UNC5D: variants seen among roughly 807,000 people sequenced by gnomAD.
UNC5D encodes unc-5 netrin receptor D.
In UNC5D, 39 loss-of-function variants were observed where a neutral mutation model predicts 105.4. The ratio of observed to expected loss-of-function variants is 0.37; its 90% confidence interval spans 0.29 to 0.48. The LOEUF (loss-of-function observed/expected upper bound fraction) is 0.48. UNC5D is among the 20% of genes least tolerant of loss of function. UNC5D has a pLI of 0.98. For synonymous variants in UNC5D, 452 were observed against 450.4 expected (o/e 1.00, Z -0.04); for missense variants, 991 against 1,202.4 (o/e 0.82, Z 2.60).
At chr8:35,454,352 T>A (rs1424642458) in intron 1 of UNC5D, among the ~76,000 whole-genome samples, 1 of 152,084 alleles carries the variant, frequency 6.6e-6, no homozygotes, top group East Asian at 1.9e-4. Context: ...TCAGAATGAA[T>A]ATGCCATCTA....
chr8:35,644,420 T>G (rs1822928537), intron 4 of UNC5D, among the ~76,000 whole-genome samples: 1 of 152,132 alleles, frequency 6.6e-6, no homozygotes, highest in African/African-American at 2.4e-5. Context: ...CTTAGTCGAT[T>G]TCTGCTGATT....
intron 11 of UNC5D, among the ~76,000 whole-genome samples, chr8:35,737,474 A>T (rs7839379): frequency 0.051 from 7,772 of 151,898 alleles, 536 homozygotes; most frequent in African/African-American, 0.15. Context: ...TCTTTGACTT[A>T]CAAGAAAAAG....
At chr8:35,482,276 A>G (rs1810530252) in intron 1 of UNC5D, among the ~76,000 whole-genome samples, 1 of 152,194 alleles carries the variant, frequency 6.6e-6, no homozygotes, top group African/African-American at 2.4e-5. Flanking sequence ...CTCATAAAGC[A>G]TTTTATGCAG....
intron 1 of UNC5D, among the ~76,000 whole-genome samples, chr8:35,354,222 A>G (rs957653269): frequency 1.3e-5 from 2 of 152,110 alleles, no homozygotes; most frequent in Admixed American, 6.6e-5. Flanking sequence ...AAGATGAAAT[A>G]AGCAGGTAAT....
At chr8:35,385,103 C>T (rs1803303352) in intron 1 of UNC5D, among the ~76,000 whole-genome samples, 1 of 152,174 alleles carries the variant, frequency 6.6e-6, no homozygotes, top group Non-Finnish European at 1.5e-5. Flanking sequence ...GTGAAGTTTT[C>T]TTGGCTTTGC....
chr8:35,386,617 C>A (rs1011230780), intron 1 of UNC5D, among the ~76,000 whole-genome samples: 1 of 152,134 alleles, frequency 6.6e-6, no homozygotes, highest in African/African-American at 2.4e-5. Context: ...AATCTCTGAC[C>A]TATGAAAAAT....
At chr8:35,267,714 G>A (rs1294554131) in intron 1 of UNC5D, among the ~76,000 whole-genome samples, 1 of 152,194 alleles carries the variant, frequency 6.6e-6, no homozygotes, top group African/African-American at 2.4e-5. Context: ...TGGGATTACA[G>A]GCATGAGCCA....
chr8:35,368,870 C>T (rs1802278927), intron 1 of UNC5D, among the ~76,000 whole-genome samples: 1 of 152,108 alleles, frequency 6.6e-6, no homozygotes, highest in Non-Finnish European at 1.5e-5. Flanking sequence ...AAGAGGGTGT[C>T]TGTTTGCAAG....
At chr8:35,605,371 C>A (rs1294828899) in intron 4 of UNC5D, among the ~76,000 whole-genome samples, 1 of 152,204 alleles carries the variant, frequency 6.6e-6, no homozygotes, top group Non-Finnish European at 1.5e-5. Context: ...TGTTGGTGAA[C>A]CGCAAATGCT....
chr8:35,535,637 A>G (rs1253539860), intron 1 of UNC5D, among the ~76,000 whole-genome samples: 1 of 151,738 alleles, frequency 6.6e-6, no homozygotes, highest in Non-Finnish European at 1.5e-5. Flanking sequence ...CTTTGGAAGG[A>G]AAAAAAATAC....
chr8:35,361,686 T>G (rs894124062), intron 1 of UNC5D, among the ~76,000 whole-genome samples: 1 of 152,158 alleles, frequency 6.6e-6, no homozygotes, highest in Non-Finnish European at 1.5e-5. Flanking sequence ...TCAGAATCAC[T>G]TATGCAGCTT....
intron 1 of UNC5D, among the ~76,000 whole-genome samples, chr8:35,273,705 C>G (rs527860661): frequency 6.6e-6 from 1 of 152,204 alleles, no homozygotes; most frequent in Admixed American, 6.5e-5. Context: ...ATCATAACCA[C>G]TCTAGGATGG....
chr8:35,665,453 A>G (rs757397919), intron 4 of UNC5D, among the ~76,000 whole-genome samples: 2 of 152,110 alleles, frequency 1.3e-5, no homozygotes, highest in Non-Finnish European at 2.9e-5. Flanking sequence ...ATCTCTTTCA[A>G]CTATTGATGT....
intron 1 of UNC5D, among the ~76,000 whole-genome samples, chr8:35,335,133 G>C (rs1810926717): frequency 6.6e-6 from 1 of 152,094 alleles, no homozygotes; most frequent in Non-Finnish European, 1.5e-5. Flanking sequence ...GCTTTTTCTT[G>C]CTGAATAGTA....
intron 1 of UNC5D, among the ~76,000 whole-genome samples, chr8:35,418,128 ATT>A (rs571296901): frequency 6.6e-6 from 1 of 151,428 alleles, no homozygotes; most frequent in Admixed American, 6.6e-5. Context: ...GATTTTAAAT[ATT>A]TTTTTTTACT....
rs373899928 is a variant in UNC5D at position 35,774,279 on chromosome 8, G to A, written c.2479-20G>A. ...TGCTTTCAGATAGATCTGATCATGCGTTCCTTATTTTGTTTATAGAGTGAA... is the reference window on the plus strand; with the variant it reads ...TGCTTTCAGATAGATCTGATCATGCATTCCTTATTTTGTTTATAGAGTGAA... On this transcript the variant is annotated intron_variant, in intron 15 of 16. Coordinates refer to ENST00000404895, the MANE Select transcript of UNC5D (RefSeq NM_080872.4). 24 of 1,613,474 alleles carry A rather than the reference G, an allele frequency of 1.5e-5. No individual in the cohort carries two copies. Among genetic ancestry groups the A allele is most frequent in the Middle Eastern group, 1.7e-4 (1 of 6,058 alleles).
In UNC5D at chr8:35,796,208, T is replaced by G. The variant is rs1160589107; in HGVS notation, c.*5645T>G. On this transcript the variant is annotated 3_prime_UTR_variant, in exon 17 of 17. Coordinates refer to ENST00000404895, the MANE Select transcript of UNC5D (RefSeq NM_080872.4). Reference sequence around the variant, plus strand: ...GAGAGAGGTTGAATGAAGCATAGCCTTGGCTTCATACCACACTTTTTGTGC... The same window carrying G: ...GAGAGAGGTTGAATGAAGCATAGCCGTGGCTTCATACCACACTTTTTGTGC... The G allele has an allele frequency of 6.6e-6, 1 of 152,156 alleles. No homozygotes were observed. The highest frequency in any genetic ancestry group is 1.5e-5 in the Non-Finnish European group (1 of 68,040). 9.4% of individuals were successfully genotyped at this position (152,156 alleles called of 1,614,324 possible). A position where few individuals can be genotyped will look rare whatever the true frequency, so the allele number is the denominator to read the frequency against.
At chr8:35,267,280 A>G (rs918198565) in intron 1 of UNC5D, among the ~76,000 whole-genome samples, 1 of 152,168 alleles carries the variant, frequency 6.6e-6, no homozygotes, top group East Asian at 1.9e-4. Context: ...ATCATATATG[A>G]TTGAGCTCTT....
chr8:35,670,315 A>G lies in UNC5D; in HGVS notation c.571-13232A>G, dbSNP rs117333200. On this transcript the variant is annotated intron_variant, in intron 4 of 16. Transcript: ENST00000404895. ...GGGTAAATATTTGGTAAATAATTCAACATACATTGGCCATGAAGGGAAAAG... is the reference window on the plus strand; with the variant it reads ...GGGTAAATATTTGGTAAATAATTCAGCATACATTGGCCATGAAGGGAAAAG... 8.5e-5 allele frequency among the ~76,000 whole-genome samples: 13 copies of G among 152,306 alleles called. No homozygotes were observed. The East Asian group carries it at 1.9e-3, about 23-fold the overall frequency.
Sources: allele counts gnomAD v4.1 joint callset (sites outside exome capture counted in the v4.1 genomes callset), GRCh38; gene constraint gnomAD v4.1.1; transcripts MANE v1.5; gene names NCBI Gene and HGNC (gene_info 2026-07-23, HGNC 2026-07-21).